The following NLRP5 variants were observed in gnomAD, a reference collection of about 807,000 sequenced individuals.
NLRP5 encodes the protein NLR family pyrin domain containing 5, also known as NACHT, LRR and PYD domains-containing protein 5.
NLRP5 carries 93 observed loss-of-function variants against 113.1 expected under a neutral mutation model. The ratio of observed to expected loss-of-function variants is 0.82; its 90% CI spans 0.70 to 0.98. The LOEUF (loss-of-function observed/expected upper bound fraction) is 0.98, where lower values mean the gene tolerates loss of function less well. NLRP5 is among the 50% of genes least tolerant of loss of function. The pLI is 0.00. For synonymous variants in NLRP5, 751 were observed against 600.7 expected (o/e 1.25, Z -3.66); for missense variants, 1,808 against 1,514.3 (o/e 1.19, Z -3.22).
chr19:56,034,760 T>C (rs1243512793), intron 9 of NLRP5, among the ~76,000 whole-genome samples: 2 of 152,174 alleles, frequency 1.3e-5, no homozygotes, highest in South Asian at 2.1e-4. Flanking sequence ...TTTCTGTTGA[T>C]GATGGCCATT....
chr19:55,996,147 T>C (rs1981317688), upstream of NLRP5, among the ~76,000 whole-genome samples: 2 of 152,170 alleles, frequency 1.3e-5, no homozygotes. Context: ...TCTTCCCTAA[T>C]TGCTCTGGCT....
At chr19:55,990,524 C>T in the NLRP5 span, among the ~76,000 whole-genome samples, 1 of 151,876 alleles carries the variant, frequency 6.6e-6, no homozygotes, top group Non-Finnish European at 1.5e-5. Context: ...AATACCCTGT[C>T]TACTAAAAAT....
the NLRP5 span, among the ~76,000 whole-genome samples, chr19:55,990,070 T>G: frequency 2.0e-5 from 2 of 101,300 alleles, no homozygotes; most frequent in African/African-American, 7.7e-5. Context: ...TTTCTTTTTT[T>G]TCTTTTTTCT....
At chr19:56,033,040 G>T (rs1014435610) in intron 8 of NLRP5, among the ~76,000 whole-genome samples, 1 of 152,022 alleles carries the variant, frequency 6.6e-6, no homozygotes, top group African/African-American at 2.4e-5. Context: ...GAGGTCAGGA[G>T]TTCAAGACCA....
intron 2 of NLRP5, among the ~76,000 whole-genome samples, chr19:56,005,939 C>T (rs1392192243): frequency 6.6e-6 from 1 of 152,158 alleles, no homozygotes; most frequent in Non-Finnish European, 1.5e-5. Flanking sequence ...ACTTGACCAA[C>T]TTCATGGGCT....
intron 5 of NLRP5, among the ~76,000 whole-genome samples, chr19:56,019,980 GCA>G (rs1209925934): frequency 2.6e-5 from 4 of 151,760 alleles, no homozygotes; most frequent in South Asian, 2.1e-4. Flanking sequence ...GGGATTACAG[GCA>G]CCTGCCACTG....
chr19:56,041,093 G>A lies in NLRP5; in HGVS notation c.2957+1G>A. The A allele has an allele frequency of 6.2e-7, 1 of 1,613,702 alleles. No individual in the cohort carries two copies. The highest frequency in any genetic ancestry group is 8.5e-7 in the Non-Finnish European group (1 of 1,179,700). On this transcript the variant is annotated splice_donor_variant, in intron 11 of 14. Transcript: ENST00000390649. LOFTEE classifies it high-confidence loss of function. Reference sequence around the variant, plus strand: ...CCCACTGTAGTCTGCAGAGGCTGATGTGAGTCTGGCTTGCTCCCCTGCAAG... The same window carrying A: ...CCCACTGTAGTCTGCAGAGGCTGATATGAGTCTGGCTTGCTCCCCTGCAAG...
At chr19:56,007,170 C>T (rs1408922336) in intron 2 of NLRP5, among the ~76,000 whole-genome samples, 1 of 151,388 alleles carries the variant, frequency 6.6e-6, no homozygotes, top group African/African-American at 2.5e-5. Context: ...CAAGACTAGC[C>T]TGTCTAACAC....
chr19:55,987,754 G>A, the NLRP5 span: 1 of 1,236,924 alleles, frequency 8.1e-7, no homozygotes, highest in Non-Finnish European at 1.2e-6. Context: ...GCAAGCTTAG[G>A]GAAGTCACTC....
chr19:56,008,563 C>T (rs750511002), intron 2 of NLRP5, among the ~76,000 whole-genome samples: 2 of 152,144 alleles, frequency 1.3e-5, no homozygotes, highest in Non-Finnish European at 2.9e-5. Context: ...TCCAGCAAAA[C>T]GGCCAGAGAA....
chr19:55,994,229 G>C, the NLRP5 span, among the ~76,000 whole-genome samples: 3 of 152,126 alleles, frequency 2.0e-5, no homozygotes, highest in East Asian at 5.8e-4. Context: ...ATCTTTTTTC[G>C]TATCTGTTGG....
At chr19:55,993,047 C>G in the NLRP5 span, among the ~76,000 whole-genome samples, 2 of 151,864 alleles carry the variant, frequency 1.3e-5, no homozygotes, top group African/African-American at 4.8e-5. Flanking sequence ...TGGGGTTTCT[C>G]CATGTTGGTC....
In NLRP5 at chr19:56,053,680, G is replaced by C. The variant is rs1278209400; in HGVS notation, c.3171G>C (p.Leu1057=). The change falls in exon 13 of 15, where the codon CTG becomes CTC. Residue 1057 remains leucine, a synonymous_variant. Coordinates refer to ENST00000390649, the MANE Select transcript of NLRP5 (RefSeq NM_153447.4). ...TCACCGCCGCGTGCTGTGAGAGTCT[G>C]TCCTGTGTGATCTCGAGGAGCAGAC... The C allele has an allele frequency of 1.2e-6, 2 of 1,613,976 alleles. No individual in the cohort carries two copies. Among genetic ancestry groups the C allele is most frequent in the African/African-American group, 1.3e-5 (1 of 75,030 alleles).
At chr19:55,997,630 G>A (rs1182897852), upstream of NLRP5, among the ~76,000 whole-genome samples, 1 of 152,116 alleles carries the variant, frequency 6.6e-6, no homozygotes, top group Non-Finnish European at 1.5e-5. Context: ...ACAGGAGTTA[G>A]AGACCAGCCT....
At chr19:56,058,048 G>C (rs574010808) in intron 13 of NLRP5, among the ~76,000 whole-genome samples, 192 bp from the exon 14 acceptor site, 2 of 147,094 alleles carry the variant, frequency 1.4e-5, no homozygotes, top group Non-Finnish European at 3.0e-5. Flanking sequence ...AAAAAAAGGC[G>C]AATATTTGGG....
intron 2 of NLRP5, among the ~76,000 whole-genome samples, chr19:56,005,532 G>A (rs56070659): frequency 0.037 from 3,458 of 93,358 alleles, 125 homozygotes; most frequent in Admixed American, 0.052. Context: ...ACACACACAC[G>A]CACACACGCA....
chr19:56,034,546 G>C (rs1271791068), intron 9 of NLRP5, among the ~76,000 whole-genome samples: 1 of 152,220 alleles, frequency 6.6e-6, no homozygotes, highest in Non-Finnish European at 1.5e-5. Flanking sequence ...CAGTAACCAA[G>C]ATGCTCTGGG....
chr19:55,995,261 C>T (rs946071698), upstream of NLRP5, among the ~76,000 whole-genome samples: 5 of 151,982 alleles, frequency 3.3e-5, no homozygotes, highest in African/African-American at 9.7e-5. Context: ...CTAATGCAAA[C>T]GATGAGTTCA....
intron 14 of NLRP5, among the ~76,000 whole-genome samples, chr19:56,058,662 C>T (rs537316593): frequency 2.6e-5 from 4 of 152,232 alleles, no homozygotes; most frequent in African/African-American, 4.8e-5. Flanking sequence ...ACAGAAAGAA[C>T]GTTATAAATG....
Sources: allele counts gnomAD v4.1 joint callset (sites outside exome capture counted in the v4.1 genomes callset), GRCh38; gene constraint gnomAD v4.1.1; transcripts MANE v1.5; gene names NCBI Gene and HGNC (gene_info 2026-07-23, HGNC 2026-07-21).